Variants in TAF7 observed in about 807,000 individuals in gnomAD.
TAF7 encodes the protein TATA-box binding protein associated factor 7.
A neutral mutation model predicts 25.3 loss-of-function variants in TAF7; 9 were observed. That is an observed-to-expected ratio of 0.36 (90% CI 0.21 to 0.62). The LOEUF is 0.62. Ranked by LOEUF, TAF7 falls within the 20% of genes least tolerant of loss-of-function variation. TAF7 has a pLI of 0.72. For synonymous variants in TAF7, 127 were observed against 146.7 expected (o/e 0.87, Z 0.97); for missense variants, 311 against 410.6 (o/e 0.76, Z 2.10).
Position 141,319,068 on chromosome 5 carries a change from T to G in TAF7, c.977A>C (p.Lys326Thr). The part of the protein sequence containing the change: ...NRFQAVLDEL[K>T]QKEDREKEQL... ...CTCCTTTTCTCGGTCTTCCTTTTGT[T>G]TGAGCTCATCCAGTACAGCCTGAAA... Residue 326 changes from lysine (K) to threonine (T), a missense_variant, in exon 1 of 1, where the codon AAA (lysine) becomes ACA (threonine). Lys to Thr is a moderately conservative substitution (Grantham distance 78). Around this residue, in one of 3 missense-constraint regions of TAF7, gnomAD observed 179 missense variants for 206.7 expected, o/e 0.87. Coordinates refer to ENST00000313368, the MANE Select transcript of TAF7 (RefSeq NM_005642.3). This position sits in a 1 kb window ranked among gnomAD's most constrained non-coding sequence, Gnocchi z 5.3. 1 of 1,614,170 alleles carries G rather than the reference T, an allele frequency of 6.2e-7. No homozygotes were observed.
At position 141,319,743 on chromosome 5, in the gene TAF7, C is replaced by T. The variant is rs1367825038; in HGVS notation, c.302G>A (p.Gly101Asp). ...CTCCTCCACAGGAGGATAGAGATCA[C>T]CATCAACTGTGGATACAAGCATCTG... ...ICQMLVSTVD[G>D]DLYPPVEEPV... The change falls in exon 1 of 1, where the codon GGT becomes GAT. Residue 101 changes from glycine (G) to aspartate (D), a missense_variant. Physicochemically the swap from Gly to Asp is moderately conservative, Grantham distance 94. Around this residue, in one of 3 missense-constraint regions of TAF7, gnomAD observed 119 missense variants for 159.3 expected, o/e 0.75. Coordinates refer to ENST00000313368, the MANE Select transcript of TAF7 (RefSeq NM_005642.3). The surrounding 1 kb of genome is among the most constrained non-coding windows in gnomAD (Gnocchi z 5.3). The T allele has an allele frequency of 6.2e-7, 1 of 1,614,024 alleles. No individual in the cohort carries two copies. Among genetic ancestry groups the T allele is most frequent in the East Asian group, 2.2e-5 (1 of 44,902 alleles).
At position 141,319,159 on chromosome 5, in the gene TAF7, G is replaced by C. The variant is rs1455459550; in HGVS notation, c.886C>G (p.Gln296Glu). 4.3e-6 allele frequency: 7 copies of C among 1,614,044 alleles called. No homozygotes were observed. The highest frequency in any genetic ancestry group is 5.9e-6 in the Non-Finnish European group (7 of 1,179,992). ...DNMKGKLQET[Q>E]DRAKRQEDLI... is the part of the protein sequence containing the mutation. ...TCCTCTTGTCGTTTTGCCCTGTCCTGGGTCTCTTGGAGCTTGCCTTTCATG... is the reference window on the plus strand; with the variant it reads ...TCCTCTTGTCGTTTTGCCCTGTCCTCGGTCTCTTGGAGCTTGCCTTTCATG... The change falls in exon 1 of 1, where the codon CAG (glutamine) becomes GAG (glutamate). Residue 296 changes from glutamine (Q) to glutamate (E), a missense_variant. Coordinates refer to ENST00000313368, the MANE Select transcript of TAF7 (RefSeq NM_005642.3). This position sits in a 1 kb window ranked among gnomAD's most constrained non-coding sequence, Gnocchi z 5.3.
Position 141,320,101 on chromosome 5 carries a change from A to C in TAF7, c.-57T>G. 1 of 1,469,430 alleles carries C rather than the reference A, an allele frequency of 6.8e-7. No individual in the cohort carries two copies. The highest frequency in any genetic ancestry group is 9.3e-7 in the Non-Finnish European group (1 of 1,080,568). The allele number at this position is 1,469,430 out of a possible 1,614,324, so 91.0% of individuals were successfully genotyped here. On this transcript the variant is annotated 5_prime_UTR_variant, in exon 1 of 1. Transcript: ENST00000313368. Reference sequence around the variant, plus strand: ...AATGCTGGTTACACTAAAAAGTTCCAGCTACTGCAATAGTTTAAAACACCA... The same window carrying C: ...AATGCTGGTTACACTAAAAAGTTCCCGCTACTGCAATAGTTTAAAACACCA...
Position 141,320,703 on chromosome 5 carries a change from G to T in TAF7, c.-659C>A, listed in dbSNP as rs1169013275. 1 of 167,200 alleles carries T rather than the reference G, an allele frequency of 6.0e-6. No individual in the cohort carries two copies. Among genetic ancestry groups the T allele is most frequent in the African/African-American group, 2.4e-5 (1 of 41,474 alleles). 10.4% of individuals were successfully genotyped at this position (167,200 alleles called of 1,614,324 possible). ...CCCGGGATGGGCAGCGCGAAATCTTGCCGAGAGGCGCAGCTCGCATCACCA... is the reference window on the plus strand; with the variant it reads ...CCCGGGATGGGCAGCGCGAAATCTTTCCGAGAGGCGCAGCTCGCATCACCA... On this transcript the variant is annotated 5_prime_UTR_variant, in exon 1 of 1. Coordinates refer to ENST00000313368, the MANE Select transcript of TAF7 (RefSeq NM_005642.3).
At position 141,318,870 on chromosome 5, in the gene TAF7, GAACTT is replaced by G. The variant is rs1273476683; in HGVS notation, c.*120_*124del. On this transcript the variant is annotated 3_prime_UTR_variant, in exon 1 of 1. Coordinates refer to ENST00000313368, the MANE Select transcript of TAF7 (RefSeq NM_005642.3). ...AAAACAAAATTACAAACAAATGAAA[GAACTT>G]AACAGAACACACAGCATTAAAAGGA... The G allele has an allele frequency of 2.3e-5, 19 of 827,332 alleles. No homozygotes were observed. Among genetic ancestry groups the G allele is most frequent in the African/African-American group, 7.0e-5 (4 of 57,370 alleles). The allele number at this position is 827,332 out of a possible 1,614,324, so 51.2% of individuals were successfully genotyped here.
chr5:141,319,938 T>C lies in TAF7; in HGVS notation c.107A>G (p.His36Arg). Residue 36 changes from histidine (H) to arginine (R), a missense_variant, in exon 1 of 1, where the codon CAT (histidine) becomes CGT (arginine). Physicochemically the swap from His to Arg is conservative, Grantham distance 29. This residue lies in a region of TAF7 where 119 missense variants were observed against 159.3 expected (regional missense o/e 0.75). Transcript: ENST00000313368. This position sits in a 1 kb window ranked among gnomAD's most constrained non-coding sequence, Gnocchi z 5.3. ...STVRRAVQSGHVNLKDRLTIE... is the reference protein window; with the variant it reads ...STVRRAVQSGRVNLKDRLTIE... ...TGTCAGTCTGTCCTTGAGGTTGACA[T>C]GACCAGACTGTACTGCCCTTCTCAC... is the stretch of plus-strand genomic sequence containing the variant. 1 of 1,614,168 alleles carries C rather than the reference T, an allele frequency of 6.2e-7. No individual in the cohort carries two copies. The highest frequency in any genetic ancestry group is 1.3e-5 in the African/African-American group (1 of 75,046).
rs2149709748 is a variant in TAF7, at chr5:141,318,944, A to G, written c.*51T>C. 1.4e-6 allele frequency: 2 copies of G among 1,478,366 alleles called. No individual in the cohort carries two copies. The highest frequency in any genetic ancestry group is 4.6e-5 in the East Asian group (2 of 43,190). The allele number at this position is 1,478,366 out of a possible 1,614,324, so 91.6% of individuals were successfully genotyped here. A position where few individuals can be genotyped will look rare whatever the true frequency, so the allele number is the denominator to read the frequency against. ...TAATACCCAGTACAATAAAGCCAAG[A>G]ATTTTCTAATGCTGACCAGTCTGAA... On this transcript the variant is annotated 3_prime_UTR_variant, in exon 1 of 1. Transcript: ENST00000313368.
In TAF7 at chr5:141,320,035, T is replaced by C. The variant is rs1172897267; in HGVS notation, c.10A>G (p.Ser4Gly). MSK[S>G]KDDAPHELES... ...AGTTCGTGAGGAGCATCATCTTTGC[T>C]TTTACTCATCTTTATTTCCTTGTGA... is the stretch of plus-strand genomic sequence containing the variant. The change falls in exon 1 of 1, where the codon AGC becomes GGC. Residue 4 changes from serine (S) to glycine (G), a missense_variant. This residue lies in a region of TAF7 where 119 missense variants were observed against 159.3 expected (regional missense o/e 0.75). Coordinates refer to ENST00000313368, the MANE Select transcript of TAF7 (RefSeq NM_005642.3). 6.2e-7 allele frequency: 1 copy of C among 1,609,626 alleles called. No homozygotes were observed. Among genetic ancestry groups the C allele is most frequent in the African/African-American group, 1.3e-5 (1 of 74,766 alleles).
In TAF7 at chr5:141,319,966, T is replaced by C. The variant is rs751980911; in HGVS notation, c.79A>G (p.Thr27Ala). The stretch of plus-strand genomic sequence containing the variant: ...CCAGACTGTACTGCCCTTCTCACAG[T>C]AGAGGCATATTCTGGAGGCAGACGT... ...ILRLPPEYASTVRRAVQSGHV... is the reference protein window; with the variant it reads ...ILRLPPEYASAVRRAVQSGHV... The change falls in exon 1 of 1, where the codon ACT becomes GCT. Residue 27 changes from threonine (T) to alanine (A), a missense_variant. By Grantham distance (58) the Thr-to-Ala change is moderately conservative. Coordinates refer to ENST00000313368, the MANE Select transcript of TAF7 (RefSeq NM_005642.3). The surrounding 1 kb of genome is among the most constrained non-coding windows in gnomAD (Gnocchi z 5.3). 4 of 1,614,048 alleles carry C rather than the reference T, an allele frequency of 2.5e-6. No homozygotes were observed. Among genetic ancestry groups the C allele is most frequent in the Admixed American group, 3.3e-5 (2 of 60,000 alleles).
In TAF7 at chr5:141,319,549, C is replaced by T; in HGVS notation, c.496G>A (p.Val166Met). 6.2e-7 allele frequency: 1 copy of T among 1,614,176 alleles called. No individual in the cohort carries two copies. ...YIESPDVEKEVKRLLSTDAEA... is the reference protein window; with the variant it reads ...YIESPDVEKEMKRLLSTDAEA... The stretch of plus-strand genomic sequence containing the variant: ...GCATCTGTACTCAGCAATCGTTTCA[C>T]TTCTTTTTCAACATCTGGAGATTCA... The change falls in exon 1 of 1, where the codon GTG becomes ATG. Residue 166 changes from valine (V) to methionine (M), a missense_variant. By Grantham distance (21) the Val-to-Met change is conservative. Around this residue, in one of 3 missense-constraint regions of TAF7, gnomAD observed 13 missense variants for 44.6 expected, o/e 0.29. Transcript: ENST00000313368. The surrounding 1 kb of genome is among the most constrained non-coding windows in gnomAD (Gnocchi z 5.3).
Position 141,320,540 on chromosome 5 carries a change from C to G in TAF7, c.-496G>C, listed in dbSNP as rs535440897. 5.9e-6 allele frequency: 1 copy of G among 168,196 alleles called. No individual in the cohort carries two copies. The highest frequency in any genetic ancestry group is 2.0e-4 in the South Asian group (1 of 4,922). 10.4% of individuals were successfully genotyped at this position (168,196 alleles called of 1,614,324 possible). On this transcript the variant is annotated 5_prime_UTR_variant, in exon 1 of 1. Coordinates refer to ENST00000313368, the MANE Select transcript of TAF7 (RefSeq NM_005642.3). ...TACAATCCAGTGACGATTATAAGTT[C>G]AGTTTCACCGGGCCGGAGCGAAGGG...
Position 141,319,175 on chromosome 5 carries a change from G to T in TAF7, c.870C>A (p.Gly290=), listed in dbSNP as rs1756121130. 6.2e-7 allele frequency: 1 copy of T among 1,614,090 alleles called. No homozygotes were observed. The highest frequency in any genetic ancestry group is 8.5e-7 in the Non-Finnish European group (1 of 1,180,008). The part of the protein sequence containing the change: ...GIQKQIDNMK[G]KLQETQDRAK... ...CCCTGTCCTGGGTCTCTTGGAGCTTGCCTTTCATGTTGTCAATCTGCTTCT... is the reference window on the plus strand; with the variant it reads ...CCCTGTCCTGGGTCTCTTGGAGCTTTCCTTTCATGTTGTCAATCTGCTTCT... The change falls in exon 1 of 1, where the codon GGC becomes GGA. Residue 290 remains glycine (G), a synonymous_variant. Coordinates refer to ENST00000313368, the MANE Select transcript of TAF7 (RefSeq NM_005642.3). The surrounding 1 kb of genome is among the most constrained non-coding windows in gnomAD (Gnocchi z 5.3).
At position 141,320,720 on chromosome 5, in the gene TAF7, G is replaced by C. The variant is rs554006157; in HGVS notation, c.-676C>G. On this transcript the variant is annotated 5_prime_UTR_variant, in exon 1 of 1. Transcript: ENST00000313368. ...GAAATCTTGCCGAGAGGCGCAGCTC[G>C]CATCACCAGACCCCGCACCTCGCCG... is the stretch of plus-strand genomic sequence containing the variant. 1.8e-5 allele frequency: 3 copies of C among 167,212 alleles called. No homozygotes were observed. The highest frequency in any genetic ancestry group is 7.2e-5 in the African/African-American group (3 of 41,476). 10.4% of individuals were successfully genotyped at this position (167,212 alleles called of 1,614,324 possible). A position where few individuals can be genotyped will look rare whatever the true frequency, so the allele number is the denominator to read the frequency against.
Position 141,320,221 on chromosome 5 carries a change from G to A in TAF7, c.-177C>T. On this transcript the variant is annotated 5_prime_UTR_variant, in exon 1 of 1. Transcript: ENST00000313368. ...GCCTTAGTTTTTATTTAAGCTCCAA[G>A]TCTTTTCTCTAAATATGCTGTGACC... The A allele has an allele frequency of 4.8e-6, 3 of 627,800 alleles. No homozygotes were observed. The Middle Eastern group carries it at 1.3e-3, about 272-fold the overall frequency. 38.9% of individuals were successfully genotyped at this position (627,800 alleles called of 1,614,324 possible). A position where few individuals can be genotyped will look rare whatever the true frequency, so the allele number is the denominator to read the frequency against.
In TAF7 at chr5:141,319,107, G is replaced by A; in HGVS notation, c.938C>T (p.Ala313Val). 6.2e-7 allele frequency: 1 copy of A among 1,614,066 alleles called. No homozygotes were observed. Among genetic ancestry groups the A allele is most frequent in the Non-Finnish European group, 8.5e-7 (1 of 1,179,998 alleles). Residue 313 changes from alanine to valine, a missense_variant, in exon 1 of 1, where the codon GCT becomes GTT. By Grantham distance (64) the Ala-to-Val change is moderately conservative. Coordinates refer to ENST00000313368, the MANE Select transcript of TAF7 (RefSeq NM_005642.3). The surrounding 1 kb of genome is among the most constrained non-coding windows in gnomAD (Gnocchi z 5.3). Reference protein sequence around the residue: ...EDLIMKVENLALKNRFQAVLD... With the variant: ...EDLIMKVENLVLKNRFQAVLD... ...TACAGCCTGAAATCTGTTCTTGAGA[G>A]CCAGATTTTCCACTTTCATGATGAG...
At position 141,319,990 on chromosome 5, in the gene TAF7, G is replaced by A; in HGVS notation, c.55C>T (p.Arg19Cys). The change falls in exon 1 of 1, where the codon CGT (arginine) becomes TGT (cysteine). Residue 19 changes from arginine to cysteine, a missense_variant. By Grantham distance (180) the Arg-to-Cys change is radical. Coordinates refer to ENST00000313368, the MANE Select transcript of TAF7 (RefSeq NM_005642.3). This position sits in a 1 kb window ranked among gnomAD's most constrained non-coding sequence, Gnocchi z 5.3. The part of the protein sequence containing the change: ...PHELESQFIL[R>C]LPPEYASTVR... The stretch of plus-strand genomic sequence containing the variant: ...GTAGAGGCATATTCTGGAGGCAGAC[G>A]TAAGATAAACTGGCTCTCCAGTTCG... The A allele has an allele frequency of 6.2e-7, 1 of 1,613,976 alleles. No individual in the cohort carries two copies. Among genetic ancestry groups the A allele is most frequent in the Non-Finnish European group, 8.5e-7 (1 of 1,179,956 alleles).
Position 141,320,096 on chromosome 5 carries a change from G to A in TAF7, c.-52C>T, listed in dbSNP as rs759944347. 1.2e-5 allele frequency: 18 copies of A among 1,508,398 alleles called. No homozygotes were observed. The African/African-American group carries it at 2.0e-4, about 16-fold the overall frequency. The allele number at this position is 1,508,398 out of a possible 1,614,324, so 93.4% of individuals were successfully genotyped here. A position where few individuals can be genotyped will look rare whatever the true frequency, so the allele number is the denominator to read the frequency against. The stretch of plus-strand genomic sequence containing the variant: ...CAATAAATGCTGGTTACACTAAAAA[G>A]TTCCAGCTACTGCAATAGTTTAAAA... On this transcript the variant is annotated 5_prime_UTR_variant, in exon 1 of 1. Transcript: ENST00000313368.
Position 141,320,145 on chromosome 5 carries a change from T to G in TAF7, c.-101A>C. On this transcript the variant is annotated 5_prime_UTR_variant, in exon 1 of 1. Transcript: ENST00000313368. ...AACACCAGTTTGCTATGAATTGAAA[T>G]CTTTTAATTACAAGAAGTTCTCTGT... 2.9e-6 allele frequency: 3 copies of G among 1,046,940 alleles called. No individual in the cohort carries two copies. The highest frequency in any genetic ancestry group is 4.1e-6 in the Non-Finnish European group (3 of 727,504). 64.9% of individuals were successfully genotyped at this position (1,046,940 alleles called of 1,614,324 possible).
chr5:141,319,301 G>A lies in TAF7; in HGVS notation c.744C>T (p.Asp248=), dbSNP rs140359856. 2.5e-6 allele frequency: 4 copies of A among 1,613,912 alleles called. No individual in the cohort carries two copies. The highest frequency in any genetic ancestry group is 3.4e-6 in the Non-Finnish European group (4 of 1,180,030). The part of the protein sequence containing the change: ...HQDEEDINII[D]TEEDLERQLQ... ...GCTGTCTCTCCAGATCTTCCTCCGTGTCAATGATGTTTATATCTTCTTCAT... is the reference window on the plus strand; with the variant it reads ...GCTGTCTCTCCAGATCTTCCTCCGTATCAATGATGTTTATATCTTCTTCAT... The change falls in exon 1 of 1, where the codon GAC becomes GAT. Residue 248 remains aspartate, a synonymous_variant. Transcript: ENST00000313368. This position sits in a 1 kb window ranked among gnomAD's most constrained non-coding sequence, Gnocchi z 5.3.
Sources: gnomAD v4.1 joint callset for allele counts on GRCh38, gnomAD v4.1.1 for gene constraint, gnomAD v4.1.1 regional missense constraint, Gnocchi (gnomAD v3.1) non-coding constraint, MANE v1.5 for transcripts, NCBI Gene and HGNC (gene_info 2026-07-23, HGNC 2026-07-21) for gene names.